SNX6: variants seen among roughly 807,000 people sequenced by gnomAD.
The protein encoded by SNX6 is sorting nexin-6.
Under a neutral mutation model 63.0 loss-of-function variants are expected in SNX6, and 34 were observed. The observed-to-expected ratio is 0.54, with a 90% CI of 0.41 to 0.72. The LOEUF (loss-of-function observed/expected upper bound fraction) is 0.72. Ranked by LOEUF, SNX6 falls within the 30% of genes least tolerant of loss-of-function variation. The pLI, the probability that SNX6 is intolerant of heterozygous loss-of-function variation, is 0.00. For missense variants in SNX6, 398 were observed against 471.4 expected (o/e 0.84, Z 1.44); for synonymous variants, 170 against 164.2 (o/e 1.04, Z -0.27).
At chr14:34,621,745 G>A (rs767515678) in intron 2 of SNX6, among the ~76,000 whole-genome samples, 7 of 151,990 alleles carry the variant, frequency 4.6e-5, no homozygotes, top group Non-Finnish European at 8.8e-5. Flanking sequence ...CAGTCACTAT[G>A]TCCTGTCTAT....
intron 9 of SNX6, among the ~76,000 whole-genome samples, 192 bp downstream of exon 9, chr14:34,586,038 G>C (rs1172752158): frequency 6.6e-6 from 1 of 152,080 alleles, no homozygotes; most frequent in Non-Finnish European, 1.5e-5. Context: ...GAGTAGCTGG[G>C]ATTACAGGTG....
At chr14:34,579,621 T>A (rs922799156) in intron 10 of SNX6, among the ~76,000 whole-genome samples, 6 of 151,778 alleles carry the variant, frequency 4.0e-5, no homozygotes, top group Admixed American at 2.6e-4. Context: ...ACAAAAAGAA[T>A]AAAGGAACTA....
In SNX6 at chr14:34,563,141, A is replaced by T; in HGVS notation, c.1202T>A (p.Val401Glu). Residue 401 changes from valine (V) to glutamate (E), a missense_variant, in exon 14 of 14, where the codon GTG (valine) becomes GAG (glutamate). Transcript: ENST00000362031. ...NLQLLQNCLA[V>E]LNGDT ...TGTGGCTTATGTGTCTCCATTTAAC[A>T]CTGCCAGGCAGTTCTGCAGCAACTG... 6 of 1,614,064 alleles carry T rather than the reference A, an allele frequency of 3.7e-6. No individual in the cohort carries two copies. The highest frequency in any genetic ancestry group is 5.1e-6 in the Non-Finnish European group (6 of 1,179,980).
intron 4 of SNX6, 128 bp from the exon 5 acceptor site, chr14:34,605,845 C>A: frequency 2.6e-6 from 3 of 1,157,186 alleles, no homozygotes; most frequent in Non-Finnish European, 3.5e-6. Context: ...ACCAGGAACA[C>A]CCAAATTCAG....
intron 2 of SNX6, among the ~76,000 whole-genome samples, chr14:34,619,575 A>C (rs1883550887): frequency 6.6e-6 from 1 of 152,158 alleles, no homozygotes; most frequent in Non-Finnish European, 1.5e-5. Context: ...GAAAGATTTA[A>C]AGTGAACAAA....
In SNX6 at chr14:34,604,571, A is replaced by G. The variant is rs559939313; in HGVS notation, c.392+1025T>C. 7.2e-4 allele frequency among the ~76,000 whole-genome samples: 110 copies of G among 152,300 alleles called. 1 individual carries two copies. Among genetic ancestry groups the G allele is most frequent in the African/African-American group, 2.4e-3 (99 of 41,568 alleles). On this transcript the variant is annotated intron_variant, in intron 5 of 13. Coordinates refer to ENST00000362031, the MANE Select transcript of SNX6 (RefSeq NM_152233.4). ...ACCAGAAAAAGTGACAGAGGTGATAACTAAGGAAAATTATTTCCTTGTACA... is the reference window on the plus strand; with the variant it reads ...ACCAGAAAAAGTGACAGAGGTGATAGCTAAGGAAAATTATTTCCTTGTACA...
At chr14:34,567,424 T>C (rs1026637410) in intron 13 of SNX6, among the ~76,000 whole-genome samples, 2 of 152,038 alleles carry the variant, frequency 1.3e-5, no homozygotes, top group African/African-American at 4.8e-5. Flanking sequence ...GAAGCAGAGG[T>C]TGCAGTGAAC....
chr14:34,626,181 C>T (rs938351606), intron 2 of SNX6, among the ~76,000 whole-genome samples: 11 of 152,060 alleles, frequency 7.2e-5, no homozygotes, highest in African/African-American at 2.7e-4. Flanking sequence ...CCCAGTTCCA[C>T]GGGACAAAAA....
At position 34,581,583 on chromosome 14, in the gene SNX6, G is replaced by T; in HGVS notation, c.812C>A (p.Ser271Ter). The part of the protein sequence containing the change: ...TDICKFFLKV[S>*]ELFDKTRKIE... ...TACTCTTGTTTTATCGAACAGTTCT[G>T]AAACTTTGAGAAAAAACCTGGAAAG... Residue 271 changes from serine (S) to a stop codon, truncating the protein, a stop_gained, in exon 10 of 14, where the codon TCA becomes TAA. Coordinates refer to ENST00000362031, the MANE Select transcript of SNX6 (RefSeq NM_152233.4). LOFTEE classifies it high-confidence loss of function. The T allele has an allele frequency of 6.8e-7, 1 of 1,477,368 alleles. No individual in the cohort carries two copies. The allele number at this position is 1,477,368 out of a possible 1,614,324, so 91.5% of individuals were successfully genotyped here.
chr14:34,603,469 T>C lies in SNX6; in HGVS notation c.395A>G (p.Glu132Gly). ...FTKMKQELEA[E>G]YLAIFKKTVA... is the part of the protein sequence containing the mutation. Reference sequence around the variant, plus strand: ...TGTCTTCTTGAATATTGCCAAATATTCACTAGAAACAATATACAAAATTAA... The same window carrying C: ...TGTCTTCTTGAATATTGCCAAATATCCACTAGAAACAATATACAAAATTAA... The change falls in exon 6 of 14, where the codon GAA becomes GGA. Residue 132 changes from glutamate (E) to glycine (G), a missense_variant and splice_region_variant. Transcript: ENST00000362031. 6.3e-7 allele frequency: 1 copy of C among 1,590,192 alleles called. No individual in the cohort carries two copies. Among genetic ancestry groups the C allele is most frequent in the Non-Finnish European group, 8.5e-7 (1 of 1,170,486 alleles).
chr14:34,615,732 G>A (rs759733598), intron 2 of SNX6, among the ~76,000 whole-genome samples: 2 of 151,758 alleles, frequency 1.3e-5, no homozygotes, highest in African/African-American at 4.8e-5. Flanking sequence ...CTCCGTCCTC[G>A]GCCTCCCAAA....
chr14:34,598,432 C>T (rs1332122416), intron 6 of SNX6, among the ~76,000 whole-genome samples: 1 of 152,176 alleles, frequency 6.6e-6, no homozygotes, highest in African/African-American at 2.4e-5. Context: ...CCTCTGTCAT[C>T]CAAGGCTGAA....
At chr14:34,613,248 T>C (rs1883300182) in intron 2 of SNX6, among the ~76,000 whole-genome samples, 1 of 152,226 alleles carries the variant, frequency 6.6e-6, no homozygotes, top group African/African-American at 2.4e-5. Context: ...GTTGACATCC[T>C]GACTTCTCTG....
At chr14:34,611,748 C>CA (rs1171892665) in intron 2 of SNX6, among the ~76,000 whole-genome samples, 59,192 of 106,904 alleles carry the variant, frequency 0.55, 16,343 homozygotes, top group East Asian at 0.88. Flanking sequence ...GACACTGTCT[C>CA]AAAAAAAAAA....
In SNX6 at chr14:34,576,217, G is replaced by A. The variant is rs1056087321; in HGVS notation, c.835-375C>T. On this transcript the variant is annotated intron_variant, in intron 10 of 13. Transcript: ENST00000362031. ...TGGGATTACAGGCGTGAGCCACCGC[G>A]CCCGGCCTCGTTTCCTTCTTAATTA... 4.0e-5 allele frequency among the ~76,000 whole-genome samples: 6 copies of A among 151,846 alleles called. No individual in the cohort carries two copies. In the South Asian group the frequency reaches 8.3e-4, roughly 21 times the overall value.
intron 9 of SNX6, 44 bp from the exon 10 acceptor site, chr14:34,581,644 T>C: frequency 2.4e-6 from 3 of 1,242,418 alleles, no homozygotes; most frequent in South Asian, 1.3e-5. Flanking sequence ...TTCAAAGTAA[T>C]TTTCCATTTC....
intron 10 of SNX6, among the ~76,000 whole-genome samples, chr14:34,578,236 A>G (rs1400227732): frequency 2.0e-5 from 3 of 152,044 alleles, no homozygotes; most frequent in Non-Finnish European, 4.4e-5. Flanking sequence ...TACAAAAGGG[A>G]AAATGTTAAT....
intron 13 of SNX6, among the ~76,000 whole-genome samples, chr14:34,566,666 A>G (rs1274296711): frequency 6.6e-6 from 1 of 152,234 alleles, no homozygotes; most frequent in Non-Finnish European, 1.5e-5. Context: ...AATCTTTAAA[A>G]TCCCTCTCAA....
intron 2 of SNX6, among the ~76,000 whole-genome samples, chr14:34,624,809 AT>A (rs1566496058): frequency 6.6e-6 from 1 of 151,650 alleles, no homozygotes; most frequent in African/African-American, 2.4e-5. Context: ...AAAAAAAAAA[AT>A]TTTTTTTGCT....
Sources: gnomAD v4.1 joint callset for allele counts (sites outside exome capture counted in the v4.1 genomes callset) on GRCh38, gnomAD v4.1.1 for gene constraint, MANE v1.5 for transcripts, NCBI Gene and HGNC (gene_info 2026-07-23, HGNC 2026-07-21) for gene names.